The following KANSL3 variants were observed in gnomAD, a reference collection of about 807,000 sequenced individuals.
KANSL3 encodes NSL complex protein NSL3.
In KANSL3, 16 loss-of-function variants were observed where a neutral mutation model predicts 89.2. The ratio of observed to expected loss-of-function variants is 0.18; its 90% confidence interval spans 0.12 to 0.27. The LOEUF is 0.27. Ranked by LOEUF, KANSL3 falls within the 10% of genes least tolerant of loss-of-function variation. The probability of loss-of-function intolerance (pLI) is 1.00; values close to 1 mark genes in which losing one functional copy is unlikely to be tolerated. For missense variants in KANSL3, 879 were observed against 1,110.6 expected (o/e 0.79, Z 2.96); for synonymous variants, 385 against 419.7 (o/e 0.92, Z 1.01).
At chr2:96,586,224 C>CA in the KANSL3 span, among the ~76,000 whole-genome samples, 1,314 of 61,286 alleles carry the variant, frequency 0.021, 14 homozygotes, top group African/African-American at 0.051. Context: ...GACTCAGTCT[C>CA]AAAAAAAAAA....
At chr2:96,610,561 T>A in intron 11 of KANSL3, 165 bp downstream of exon 11, 1 of 609,494 alleles carries the variant, frequency 1.6e-6, no homozygotes, top group Non-Finnish European at 2.8e-6. Context: ...GTGATCCGCC[T>A]GCCTCAGCCT....
the KANSL3 span, among the ~76,000 whole-genome samples, chr2:96,583,355 C>T: frequency 6.6e-6 from 1 of 152,244 alleles, no homozygotes; most frequent in Non-Finnish European, 1.5e-5. Flanking sequence ...CATTTGTATA[C>T]ATCCTTGTAA....
intron 20 of KANSL3, chr2:96,600,595 C>G: frequency 2.0e-6 from 2 of 985,332 alleles, no homozygotes; most frequent in Non-Finnish European, 2.4e-6. Context: ...GTGGAAAGGA[C>G]AGGGAGACAC....
rs34224817 is a variant in KANSL3 at position 96,627,220 on chromosome 2, C to CT, written c.386+4091dup. Among the ~76,000 whole-genome samples, 1,407 of 145,524 alleles carry CT rather than the reference C, an allele frequency of 9.7e-3. 19 individuals carry two copies. The highest frequency in any genetic ancestry group is 0.03 in the African/African-American group (1,211 of 40,016). ...GGGCAGGGAAGGGAGGAACATGCTTCTTTTTTTTTTTTGAGACGGAGTCTT... is the reference window on the plus strand; with the variant it reads ...GGGCAGGGAAGGGAGGAACATGCTTCTTTTTTTTTTTTTGAGACGGAGTCTT... On this transcript the variant is annotated intron_variant, in intron 3 of 20. Coordinates refer to ENST00000431828, the MANE Select transcript of KANSL3 (RefSeq NM_001115016.3).
At chr2:96,589,646 C>A (rs2066260489), downstream of KANSL3, among the ~76,000 whole-genome samples, 19 of 152,274 alleles carry the variant, frequency 1.2e-4, 2 homozygotes, top group South Asian at 3.9e-3. Context: ...AACAACTTGA[C>A]AGAAAATCAG....
intron 20 of KANSL3, 71 bp downstream of exon 20, chr2:96,601,572 T>C (rs756828990): frequency 1.9e-6 from 3 of 1,555,774 alleles, no homozygotes; most frequent in Non-Finnish European, 2.6e-6. Context: ...GCCCCTTCAA[T>C]CAGCCAGTCA....
intron 9 of KANSL3, 57 bp from the exon 10 acceptor site, chr2:96,611,195 T>C (rs1400182951): frequency 2.7e-6 from 4 of 1,471,376 alleles, no homozygotes; most frequent in Non-Finnish European, 3.8e-6. Flanking sequence ...CACCTCAGCC[T>C]ACCCAGAATC....
chr2:96,612,810 A>C lies in KANSL3; in HGVS notation c.912+8T>G. The C allele has an allele frequency of 6.5e-7, 1 of 1,548,564 alleles. No homozygotes were observed. ...CCAGGAAGGAGTTCCTCTTGCCCCC[A>C]CACATACCTTGCCCAAGCAGGACAG... On this transcript the variant is annotated splice_region_variant and intron_variant, in intron 7 of 20. Transcript: ENST00000431828.
chr2:96,590,785 A>G (rs1253677757), downstream of KANSL3, among the ~76,000 whole-genome samples: 1 of 151,980 alleles, frequency 6.6e-6, no homozygotes, highest in Non-Finnish European at 1.5e-5. Flanking sequence ...GGAGTTTGAG[A>G]CCAGTCTAGC....
intron 11 of KANSL3, chr2:96,610,485 T>G: frequency 3.3e-6 from 1 of 306,970 alleles, no homozygotes; most frequent in Non-Finnish European, 6.2e-6. Flanking sequence ...CTGGCTAATT[T>G]TTTGTATTTT....
chr2:96,606,741 C>T (rs890730583), intron 14 of KANSL3: 32 of 294,556 alleles, frequency 1.1e-4, no homozygotes, highest in African/African-American at 9.1e-5. Flanking sequence ...AAGAACCACA[C>T]TAAGAGACAA....
intron 2 of KANSL3, 128 bp from the exon 3 acceptor site, chr2:96,631,610 C>T: frequency 8.6e-7 from 1 of 1,156,792 alleles, no homozygotes; most frequent in South Asian, 1.3e-5. Context: ...ATTATATTCA[C>T]AAGAAAATTT....
At chr2:96,634,351 G>A (rs1359803326) in intron 2 of KANSL3, among the ~76,000 whole-genome samples, 1 of 152,122 alleles carries the variant, frequency 6.6e-6, no homozygotes, top group Admixed American at 6.5e-5. Context: ...GTGAAACTCC[G>A]TCTCTACTAA....
At chr2:96,604,192 A>G in intron 17 of KANSL3, 58 bp downstream of exon 17, 1 of 1,534,090 alleles carries the variant, frequency 6.5e-7, no homozygotes, top group Admixed American at 2.0e-5. Context: ...AGGACCACCC[A>G]GAAGCAGCAG....
At chr2:96,604,886 G>A (rs2067740883) in intron 15 of KANSL3, 23 bp from the exon 16 acceptor site, 2 of 1,569,944 alleles carry the variant, frequency 1.3e-6, no homozygotes, top group Non-Finnish European at 1.7e-6. Flanking sequence ...AAACCCCAAG[G>A]CCCCTGGTCA....
At chr2:96,623,281 C>T (rs2071650968) in intron 3 of KANSL3, among the ~76,000 whole-genome samples, 2 of 152,210 alleles carry the variant, frequency 1.3e-5, no homozygotes, top group African/African-American at 4.8e-5. Flanking sequence ...GGAACACAGG[C>T]ACATGATTTA....
Position 96,604,852 on chromosome 2 carries a change from T to C in KANSL3, c.1945A>G (p.Lys649Glu). The C allele has an allele frequency of 6.3e-7, 1 of 1,593,602 alleles. No individual in the cohort carries two copies. Among genetic ancestry groups the C allele is most frequent in the Admixed American group, 1.8e-5 (1 of 57,034 alleles). ...TGCCCCAGTGTCATGGTGATGGGCT[T>C]CCCACCTGCAGCTTCAAAACAGAAA... The part of the protein sequence containing the change: ...QGSAPEAAGG[K>E]PITMTLGQAS... Residue 649 changes from lysine to glutamate, a missense_variant, in exon 16 of 21, where the codon AAG (lysine) becomes GAG (glutamate). Lys to Glu is a moderately conservative substitution (Grantham distance 56). Transcript: ENST00000431828.
intron 2 of KANSL3, among the ~76,000 whole-genome samples, chr2:96,633,682 A>G (rs1402627755): frequency 6.6e-6 from 1 of 152,110 alleles, no homozygotes; most frequent in Admixed American, 6.5e-5. Flanking sequence ...CCTGGGCAAC[A>G]TGGTGAAACC....
chr2:96,611,945 A>C (rs1233644212), intron 9 of KANSL3, among the ~76,000 whole-genome samples: 1 of 39,302 alleles, frequency 2.5e-5, no homozygotes, highest in Non-Finnish European at 4.7e-5. Flanking sequence ...GTGTATGTGA[A>C]AATGCTATTA....
Sources: allele counts gnomAD v4.1 joint callset (sites outside exome capture counted in the v4.1 genomes callset), GRCh38; gene constraint gnomAD v4.1.1; transcripts MANE v1.5; gene names NCBI Gene and HGNC (gene_info 2026-07-23, HGNC 2026-07-21).